The following SLMAP variants were observed in gnomAD, a reference collection of about 807,000 sequenced individuals.
The protein encoded by SLMAP is sarcolemma associated protein.
Under a neutral mutation model 128.8 loss-of-function variants are expected in SLMAP, and 44 were observed. The ratio of observed to expected loss-of-function variants is 0.34; its 90% confidence interval spans 0.27 to 0.44. The LOEUF is 0.44. Among genes scored for constraint, SLMAP ranks in the 20% least tolerant of loss-of-function variants. SLMAP has a pLI of 1.00. For missense variants in SLMAP, 787 were observed against 985.3 expected (o/e 0.80, Z 2.69); for synonymous variants, 327 against 348.8 (o/e 0.94, Z 0.70).
At chr3:57,894,824 AT>A (rs994021320) in intron 15 of SLMAP, among the ~76,000 whole-genome samples, 1 of 152,248 alleles carries the variant, frequency 6.6e-6, no homozygotes, top group African/African-American at 2.4e-5. Context: ...TATTAGCCCT[AT>A]AATGAAGCTA....
At chr3:57,926,697 C>T (rs957881075) in intron 24 of SLMAP, among the ~76,000 whole-genome samples, 7 of 152,186 alleles carry the variant, frequency 4.6e-5, no homozygotes, top group Non-Finnish European at 1.0e-4. Context: ...AGAGCATATG[C>T]GGTGATCATG....
At chr3:57,833,687 G>T (rs1354533858) in intron 3 of SLMAP, among the ~76,000 whole-genome samples, 2 of 151,896 alleles carry the variant, frequency 1.3e-5, no homozygotes, top group Admixed American at 6.6e-5. Flanking sequence ...CAAAGTGCTG[G>T]GATTACAGGC....
chr3:57,855,771 C>CG (rs1243884419), intron 6 of SLMAP, among the ~76,000 whole-genome samples: 2 of 147,390 alleles, frequency 1.4e-5, no homozygotes, highest in African/African-American at 5.0e-5. Flanking sequence ...AGGTTGGGTG[C>CG]GGGGACTCAC....
rs766605023 is a variant in SLMAP, at chr3:57,864,690, C to G, written c.1109C>G (p.Thr370Ser). 1.4e-5 allele frequency: 22 copies of G among 1,594,430 alleles called. No homozygotes were observed. Among genetic ancestry groups the G allele is most frequent in the Non-Finnish European group, 1.9e-5 (22 of 1,175,380 alleles). ...IEALQADNDF[T>S]NERLTALQVR... ...GCTTTGCAAGCTGATAATGATTTCA[C>G]CAATGAAAGGCTAACAGCTTTACAA... Residue 370 changes from threonine (T) to serine (S), a missense_variant, in exon 11 of 25, where the codon ACC (threonine) becomes AGC (serine). By Grantham distance (58) the Thr-to-Ser change is moderately conservative (BLOSUM62 1). Transcript: ENST00000671191.
intron 14 of SLMAP, among the ~76,000 whole-genome samples, chr3:57,874,378 A>C (rs2095554732): frequency 6.6e-6 from 1 of 152,208 alleles, no homozygotes; most frequent in African/African-American, 2.4e-5. Flanking sequence ...TAATGAGAGC[A>C]GATAATTATC....
chr3:57,757,600 G>T lies in SLMAP; in HGVS notation c.-52G>T, dbSNP rs1160890900. The T allele has an allele frequency of 3.2e-6, 5 of 1,582,028 alleles. No individual in the cohort carries two copies. The African/African-American group carries it at 6.7e-5, about 21-fold the overall frequency. On this transcript the variant is annotated 5_prime_UTR_variant, in exon 2 of 25. Coordinates refer to ENST00000671191, the MANE Select transcript of SLMAP (RefSeq NM_001377540.1). The stretch of plus-strand genomic sequence containing the variant: ...GGCTTGTGAAGGGCAGTCCGGATCC[G>T]GAGGAACTCCTCTTTGTCCCTGGTA...
intron 4 of SLMAP, among the ~76,000 whole-genome samples, chr3:57,844,581 T>C (rs1465419522): frequency 1.3e-5 from 2 of 152,190 alleles, no homozygotes; most frequent in East Asian, 1.9e-4. Context: ...ATATCACTTA[T>C]GGAATGTGTT....
rs1022104158 is a variant in SLMAP at position 57,927,988 on chromosome 3, T to C, written c.*699T>C. The C allele has an allele frequency of 1.3e-5, 2 of 152,504 alleles. No individual in the cohort carries two copies. Among genetic ancestry groups the C allele is most frequent in the Non-Finnish European group, 2.9e-5 (2 of 68,024 alleles). 9.4% of individuals were successfully genotyped at this position (152,504 alleles called of 1,614,324 possible). ...AATACGTTTGGAAAATAAACTGTTA[T>C]GGTGATAATTTGGGGAATATGTGCA... On this transcript the variant is annotated 3_prime_UTR_variant, in exon 25 of 25. Transcript: ENST00000671191.
chr3:57,924,960 T>G (rs890892182), intron 23 of SLMAP, among the ~76,000 whole-genome samples: 8 of 150,374 alleles, frequency 5.3e-5, no homozygotes, highest in African/African-American at 9.8e-5. Flanking sequence ...GTTTTTTGTT[T>G]TTTTTTTTTT....
At chr3:57,872,264 T>G in intron 14 of SLMAP, among the ~76,000 whole-genome samples, 1 of 152,194 alleles carries the variant, frequency 6.6e-6, no homozygotes, top group East Asian at 1.9e-4. Flanking sequence ...ATCGCACCAT[T>G]GCACTCCAGG....
intron 2 of SLMAP, among the ~76,000 whole-genome samples, chr3:57,796,934 C>T (rs144333547): frequency 0.025 from 3,848 of 152,104 alleles, 77 homozygotes; most frequent in Non-Finnish European, 0.033. Flanking sequence ...AATCTCAGCA[C>T]TTTGGGAGAC....
intron 2 of SLMAP, among the ~76,000 whole-genome samples, chr3:57,820,073 A>G (rs1459066706): frequency 1.3e-5 from 2 of 152,094 alleles, no homozygotes; most frequent in African/African-American, 4.8e-5. Context: ...TTTAACAGAG[A>G]TAAAGAGTGG....
At chr3:57,874,672 CA>C (rs1351834678) in intron 14 of SLMAP, among the ~76,000 whole-genome samples, 14 of 151,700 alleles carry the variant, frequency 9.2e-5, no homozygotes, top group South Asian at 2.1e-4. Context: ...CCAGCCTGAC[CA>C]ACATGTTGAA....
chr3:57,823,704 G>C (rs2153534388), intron 2 of SLMAP, among the ~76,000 whole-genome samples: 1 of 152,322 alleles, frequency 6.6e-6, no homozygotes, highest in South Asian at 2.1e-4. Context: ...CTTTATAGCA[G>C]CATGATTTAT....
At chr3:57,877,796 C>G (rs1462104372) in intron 14 of SLMAP, among the ~76,000 whole-genome samples, 1 of 145,858 alleles carries the variant, frequency 6.9e-6, no homozygotes, top group African/African-American at 2.5e-5. Flanking sequence ...ACTTTGTTTT[C>G]AGTCTATCTT....
At chr3:57,758,480 T>C (rs756006656) in intron 2 of SLMAP, among the ~76,000 whole-genome samples, 1 of 152,204 alleles carries the variant, frequency 6.6e-6, no homozygotes. Context: ...CATACACATA[T>C]TGCGTTTGAA....
rs538199333 is a variant in SLMAP at position 57,775,833 on chromosome 3, G to A, written c.198+17984G>A. 2.4e-4 allele frequency among the ~76,000 whole-genome samples: 37 copies of A among 152,096 alleles called. No individual in the cohort carries two copies. In the South Asian group the frequency reaches 4.4e-3, roughly 18 times the overall value. On this transcript the variant is annotated intron_variant, in intron 2 of 24. Coordinates refer to ENST00000671191, the MANE Select transcript of SLMAP (RefSeq NM_001377540.1). ...ATTGCCTGAGGCTCCCAAGTAACTG[G>A]GATTACAGGCGCCCACCACCACACC... is the stretch of plus-strand genomic sequence containing the variant.
chr3:57,895,246 A>G (rs2096208650), intron 15 of SLMAP, among the ~76,000 whole-genome samples: 1 of 152,152 alleles, frequency 6.6e-6, no homozygotes, highest in Non-Finnish European at 1.5e-5. Flanking sequence ...AGGATTTCTG[A>G]GGACAGTTCT....
intron 2 of SLMAP, among the ~76,000 whole-genome samples, chr3:57,825,504 T>C (rs1158958667): frequency 2.0e-5 from 3 of 151,688 alleles, no homozygotes; most frequent in Non-Finnish European, 2.9e-5. Flanking sequence ...TGTTTTCTTT[T>C]TTTTTTTTTT....
Sources: allele counts gnomAD v4.1 joint callset (sites outside exome capture counted in the v4.1 genomes callset), GRCh38; gene constraint gnomAD v4.1.1; transcripts MANE v1.5; gene names NCBI Gene and HGNC (gene_info 2026-07-23, HGNC 2026-07-21).